The following CYP46A1 variants were observed in gnomAD, a reference collection of about 807,000 sequenced individuals.
The protein encoded by CYP46A1 is cytochrome P450 family 46 subfamily A member 1.
CYP46A1 carries 20 observed loss-of-function variants against 63.3 expected under a neutral mutation model. The observed-to-expected ratio is 0.32, with a 90% CI of 0.22 to 0.46. CYP46A1 has a LOEUF of 0.46. Ranked by LOEUF, CYP46A1 falls within the 20% of genes least tolerant of loss-of-function variation. CYP46A1 has a pLI of 1.00. For synonymous variants in CYP46A1, 268 were observed against 273.6 expected (o/e 0.98, Z 0.20); for missense variants, 445 against 670.8 (o/e 0.66, Z 3.72).
At chr14:99,693,347 G>A (rs1375612330) in intron 3 of CYP46A1, 2 of 152,186 alleles carry the variant, frequency 1.3e-5, no homozygotes, top group East Asian at 3.8e-4. Flanking sequence ...CACAATTTAA[G>A]ACTTGTAAAA....
intron 11 of CYP46A1, 121 bp downstream of exon 11, chr14:99,721,444 G>A (rs563146097): frequency 2.9e-4 from 209 of 726,876 alleles, no homozygotes; most frequent in African/African-American, 2.6e-3. Flanking sequence ...GTCCTCCCCC[G>A]GAAGATTTAA....
intron 1 of CYP46A1, among the ~76,000 whole-genome samples, chr14:99,685,095 C>T (rs1482324691): frequency 2.1e-5 from 1 of 47,538 alleles, no homozygotes; most frequent in Non-Finnish European, 4.2e-5. Context: ...CCAACCCCCC[C>T]CCACCCCCAG....
chr14:99,694,145 G>T (rs1319044803), intron 3 of CYP46A1, among the ~76,000 whole-genome samples: 1 of 152,124 alleles, frequency 6.6e-6, no homozygotes, highest in Non-Finnish European at 1.5e-5. Flanking sequence ...TAATCTTGTA[G>T]CATGTTTCAG....
At chr14:99,690,684 A>G (rs1224440914) in intron 1 of CYP46A1, among the ~76,000 whole-genome samples, 5 of 152,122 alleles carry the variant, frequency 3.3e-5, no homozygotes, top group African/African-American at 1.2e-4. Context: ...CGGCTGTCCT[A>G]TATAATACGG....
intron 3 of CYP46A1, 97 bp from the exon 4 acceptor site, chr14:99,699,369 C>A: frequency 8.3e-7 from 1 of 1,205,440 alleles, no homozygotes; most frequent in Non-Finnish European, 1.2e-6. Flanking sequence ...GCGGCTGAGA[C>A]TCAGCCAATG....
chr14:99,702,475 G>A (rs928474196), intron 5 of CYP46A1, among the ~76,000 whole-genome samples: 3 of 152,156 alleles, frequency 2.0e-5, no homozygotes, highest in Non-Finnish European at 4.4e-5. Flanking sequence ...TTACCTAGTG[G>A]AATTTTTGAG....
intron 1 of CYP46A1, among the ~76,000 whole-genome samples, chr14:99,686,766 C>T (rs2056498060): frequency 6.6e-6 from 1 of 152,074 alleles, no homozygotes; most frequent in Admixed American, 6.5e-5. Flanking sequence ...GCGGAGGGAG[C>T]AGTGGGAGGA....
intron 3 of CYP46A1, among the ~76,000 whole-genome samples, chr14:99,697,697 G>T (rs1296266368): frequency 6.6e-6 from 1 of 152,104 alleles, no homozygotes; most frequent in African/African-American, 2.4e-5. Context: ...TGTGCCATCG[G>T]TGTGTGTGTG....
At chr14:99,701,985 A>T (rs909802357) in intron 5 of CYP46A1, among the ~76,000 whole-genome samples, 3 of 148,446 alleles carry the variant, frequency 2.0e-5, no homozygotes, top group Admixed American at 1.4e-4. Context: ...TAGGATAATC[A>T]CTTGAACCTG....
At chr14:99,719,042 TC>T (rs965899755) in intron 10 of CYP46A1, among the ~76,000 whole-genome samples, 45 of 152,100 alleles carry the variant, frequency 3.0e-4, no homozygotes, top group African/African-American at 1.1e-3. Flanking sequence ...TGGCTTTTAT[TC>T]CCCATGAGCC....
chr14:99,714,799 A>G (rs905118990), intron 7 of CYP46A1, among the ~76,000 whole-genome samples: 1 of 151,978 alleles, frequency 6.6e-6, no homozygotes, highest in Non-Finnish European at 1.5e-5. Flanking sequence ...TGATGTATAT[A>G]CACATGGAAT....
At chr14:99,703,935 T>C (rs1324586078) in intron 5 of CYP46A1, 3 of 963,462 alleles carry the variant, frequency 3.1e-6, no homozygotes, top group Non-Finnish European at 3.7e-6. Context: ...GAAATACTTA[T>C]TGTGCCAAGA....
At chr14:99,715,375 A>G (rs1180029758) in intron 7 of CYP46A1, among the ~76,000 whole-genome samples, 1 of 152,234 alleles carries the variant, frequency 6.6e-6, no homozygotes, top group Non-Finnish European at 1.5e-5. Flanking sequence ...GAAAGGTGAT[A>G]GCTGAGTTCA....
At chr14:99,689,357 T>C (rs1158390933) in intron 1 of CYP46A1, among the ~76,000 whole-genome samples, 1 of 152,050 alleles carries the variant, frequency 6.6e-6, no homozygotes, top group Non-Finnish European at 1.5e-5. Context: ...ATAAAGAAGG[T>C]AAACAAACCA....
Position 99,684,383 on chromosome 14 carries a change from C to A in CYP46A1, c.-35C>A, listed in dbSNP as rs754074927. ...GCCTCCCGGCCCCCTCGGCGCCCGG[C>A]CCGACCCTGGCCTGGCCTGCCCTGC... On this transcript the variant is annotated 5_prime_UTR_variant, in exon 1 of 15. Coordinates refer to ENST00000261835, the MANE Select transcript of CYP46A1 (RefSeq NM_006668.2). 4 of 1,293,828 alleles carry A rather than the reference C, an allele frequency of 3.1e-6. No homozygotes were observed. The highest frequency in any genetic ancestry group is 2.1e-5 in the South Asian group (1 of 48,112). 80.1% of individuals were successfully genotyped at this position (1,293,828 alleles called of 1,614,324 possible). A position where few individuals can be genotyped will look rare whatever the true frequency, so the allele number is the denominator to read the frequency against.
At chr14:99,707,469 C>T (rs751631630) in intron 6 of CYP46A1, 99 bp from the exon 7 acceptor site, 89 of 886,784 alleles carry the variant, frequency 1.0e-4, no homozygotes, top group Non-Finnish European at 1.6e-4. Context: ...AAACCCTTAG[C>T]CCAGAGTCCA....
At chr14:99,711,756 C>T (rs1202992713) in intron 7 of CYP46A1, 2 of 152,106 alleles carry the variant, frequency 1.3e-5, no homozygotes, top group Non-Finnish European at 2.9e-5. Flanking sequence ...GAAGAGGGAA[C>T]TCTTCCTAAC....
At chr14:99,707,760 T>C in intron 7 of CYP46A1, 82 bp downstream of exon 7, 1 of 1,316,828 alleles carries the variant, frequency 7.6e-7, no homozygotes, top group Non-Finnish European at 1.1e-6. Flanking sequence ...CAGTGATTTT[T>C]TTTTTTTTTC....
intron 10 of CYP46A1, among the ~76,000 whole-genome samples, chr14:99,720,236 G>C (rs1165712629): frequency 2.0e-5 from 3 of 152,270 alleles, no homozygotes; most frequent in Non-Finnish European, 4.4e-5. Flanking sequence ...GCTTTCAGTT[G>C]TTTTGGGTTT....
Sources: allele counts gnomAD v4.1 joint callset (sites outside exome capture counted in the v4.1 genomes callset), GRCh38; gene constraint gnomAD v4.1.1; transcripts MANE v1.5; gene names NCBI Gene and HGNC (gene_info 2026-07-23, HGNC 2026-07-21).